ADAM33: variants seen among roughly 807,000 people sequenced by gnomAD.
ADAM33 encodes ADAM metallopeptidase domain 33.
Under a neutral mutation model 106.2 loss-of-function variants are expected in ADAM33, and 103 were observed. The ratio of observed to expected loss-of-function variants is 0.97; its 90% confidence interval spans 0.83 to 1.14. The LOEUF (loss-of-function observed/expected upper bound fraction) is 1.14, where lower values mean the gene tolerates loss of function less well. ADAM33 is among the 50% of genes most tolerant of loss of function. The pLI is 0.00. For synonymous variants in ADAM33, 483 were observed against 453.0 expected (o/e 1.07, Z -0.84); for missense variants, 1,120 against 1,096.6 (o/e 1.02, Z -0.30).
chr20:3,673,624 C>A lies in ADAM33; in HGVS notation c.940G>T (p.Ala314Ser). 1 of 1,356,936 alleles carries A rather than the reference C, an allele frequency of 7.4e-7. No individual in the cohort carries two copies. The highest frequency in any genetic ancestry group is 9.4e-7 in the Non-Finnish European group (1 of 1,062,124). The allele number at this position is 1,356,936 out of a possible 1,614,324, so 84.1% of individuals were successfully genotyped here. A position where few individuals can be genotyped will look rare whatever the true frequency, so the allele number is the denominator to read the frequency against. ...GCGCGGCACATGCCCTCGACGGGCG[C>A]CAGGCCCACTGTGGCGCCCTGGAAG... Reference protein sequence around the residue: ...RAFQGATVGLAPVEGMCRAES... With the variant: ...RAFQGATVGLSPVEGMCRAES... The change falls in exon 10 of 22, where the codon GCG becomes TCG. Residue 314 changes from alanine (A) to serine (S), a missense_variant. Coordinates refer to ENST00000356518, the MANE Select transcript of ADAM33 (RefSeq NM_025220.5).
chr20:3,671,918 G>T lies in ADAM33; in HGVS notation c.1665C>A (p.Cys555Ter). ...VNSAGDAHGN[C>*]GQDSEGHFLP... Reference sequence around the variant, plus strand: ...GGAAGTGGCCCTCGCTGTCCTGGCCGCAGTTTCCATGAGCATCTCCCGCAG... The same window carrying T: ...GGAAGTGGCCCTCGCTGTCCTGGCCTCAGTTTCCATGAGCATCTCCCGCAG... Residue 555 changes from cysteine (C) to a stop codon, truncating the protein, a stop_gained, in exon 15 of 22, where the codon TGC becomes TGA. Transcript: ENST00000356518. LOFTEE classifies it high-confidence loss of function. The T allele has an allele frequency of 6.4e-7, 1 of 1,555,212 alleles. No homozygotes were observed. Among genetic ancestry groups the T allele is most frequent in the East Asian group, 2.4e-5 (1 of 41,426 alleles).
At position 3,674,492 on chromosome 20, in the gene ADAM33, G is replaced by A. The variant is rs755539016; in HGVS notation, c.600+12C>T. The A allele has an allele frequency of 3.7e-6, 6 of 1,611,354 alleles. No homozygotes were observed. The African/African-American group carries it at 4.0e-5, about 11-fold the overall frequency. ...ACAGCATTCCCACTCCCATCCGATC[G>A]ATGCCCCTGACCCTGCTCTGGGGAC... On this transcript the variant is annotated intron_variant, in intron 6 of 21. Transcript: ENST00000356518.
chr20:3,670,147 G>A (rs554896909), intron 19 of ADAM33: 13 of 203,564 alleles, frequency 6.4e-5, no homozygotes, highest in African/African-American at 2.6e-4. Context: ...CCTCTGCAGC[G>A]CCCCCTCCGT....
chr20:3,673,070 A>AT, intron 11 of ADAM33, 172 bp from the exon 12 acceptor site: 1 of 1,444,986 alleles, frequency 6.9e-7, no homozygotes, highest in Non-Finnish European at 9.1e-7. Context: ...TGCGGCCCCA[A>AT]TAGTGAGCAG....
rs752396357 is a variant in ADAM33, at chr20:3,671,042, C to T, written c.2204G>A (p.Cys735Tyr). 2 of 1,559,430 alleles carry T rather than the reference C, an allele frequency of 1.3e-6. No individual in the cohort carries two copies. Among genetic ancestry groups the T allele is most frequent in the Non-Finnish European group, 8.7e-7 (1 of 1,152,332 alleles). ...AGGGTCCCTTCTGCAGCCCCAGCTG[C>T]ATCGCTGCAGATGGGCTCCTGGGAG... ...YRLPGAHLQR[C>Y]SWGCRRDPAC... The change falls in exon 19 of 22, where the codon TGC (cysteine) becomes TAC (tyrosine). Residue 735 changes from cysteine (C) to tyrosine (Y), a missense_variant. Transcript: ENST00000356518.
rs2146346552 is a variant in ADAM33 at position 3,668,108 on chromosome 20, CT to C, written c.*854del. The C allele has an allele frequency of 6.6e-6, 1 of 152,652 alleles. No homozygotes were observed. Among genetic ancestry groups the C allele is most frequent in the Admixed American group, 6.5e-5 (1 of 15,314 alleles). 9.5% of individuals were successfully genotyped at this position (152,652 alleles called of 1,614,324 possible). A position where few individuals can be genotyped will look rare whatever the true frequency, so the allele number is the denominator to read the frequency against. On this transcript the variant is annotated 3_prime_UTR_variant, in exon 22 of 22. Coordinates refer to ENST00000356518, the MANE Select transcript of ADAM33 (RefSeq NM_025220.5). ...CCTCCTGCTTCAGCCTCCTGAGCAG[CT>C]AGGCCTACAGGTACACACCACCACG...
At chr20:3,669,268 G>A (rs2087373008) in intron 21 of ADAM33, 31 bp downstream of exon 21, 1 of 1,555,306 alleles carries the variant, frequency 6.4e-7, no homozygotes. Flanking sequence ...GCGATGAGAG[G>A]GGGAGGCTTT....
intron 19 of ADAM33, 128 bp from the exon 20 acceptor site, chr20:3,669,765 C>A: frequency 2.4e-6 from 2 of 843,978 alleles, no homozygotes; most frequent in South Asian, 2.9e-5. Context: ...CCCATCTGCT[C>A]CAAGTCACCC....
chr20:3,674,818 C>T lies in ADAM33; in HGVS notation c.365G>A (p.Gly122Asp), dbSNP rs769968522. The change falls in exon 5 of 22, where the codon GGC becomes GAC. Residue 122 changes from glycine (G) to aspartate (D), a missense_variant. Physicochemically the swap from Gly to Asp is moderately conservative, Grantham distance 94. Transcript: ENST00000356518. ...GAGGACTACCCAGGAGTCGGGGAAG[C>T]CCCTTACTCGCCCTTGGTAGTGGCA... is the stretch of plus-strand genomic sequence containing the variant. ...DHCHYQGRVR[G>D]FPDSWVVLCT... The T allele has an allele frequency of 1.2e-6, 2 of 1,611,224 alleles. No homozygotes were observed. The highest frequency in any genetic ancestry group is 4.5e-5 in the East Asian group (2 of 44,864).
chr20:3,679,458 GC>G (rs2088277338), intron 2 of ADAM33, 33 bp downstream of exon 2: 1 of 1,577,376 alleles, frequency 6.3e-7, no homozygotes, highest in East Asian at 2.3e-5. Flanking sequence ...GAGGTTCAGG[GC>G]CCCTGTGGAG....
intron 11 of ADAM33, 74 bp downstream of exon 11, chr20:3,673,280 G>T: frequency 6.5e-7 from 1 of 1,534,356 alleles, no homozygotes. Flanking sequence ...ACTGAGGGAC[G>T]ACCAAAGAAA....
chr20:3,670,770 G>T, intron 19 of ADAM33: 1 of 562,704 alleles, frequency 1.8e-6, no homozygotes, highest in Non-Finnish European at 3.1e-6. Flanking sequence ...GAGCTGTACT[G>T]GGAGGTAGAG....
At position 3,675,015 on chromosome 20, in the gene ADAM33, G is replaced by C. The variant is rs764895153; in HGVS notation, c.333+12C>G. ...CTGGCGGTGCATCCCAGAGCCCATG[G>C]AAGCATCTCACCGTGTGGTTGGGGG... On this transcript the variant is annotated intron_variant, in intron 4 of 21. Transcript: ENST00000356518. The surrounding 1 kb of genome is among the most constrained non-coding windows in gnomAD (Gnocchi z 4.1). 1.9e-6 allele frequency: 3 copies of C among 1,613,402 alleles called. No homozygotes were observed. Among genetic ancestry groups the C allele is most frequent in the Non-Finnish European group, 8.5e-7 (1 of 1,179,892 alleles).
chr20:3,672,811 A>G lies in ADAM33; in HGVS notation c.1221T>C (p.Asn407=), dbSNP rs781515942. ...FRKGGGACLS[N]APDPGLPVPP... ...GCACCGGGAGTCCGGGGTCCGGGGC[A>G]TTGGAGAGGCAAGCGCCGCCCCCCT... Residue 407 remains asparagine, a synonymous_variant, in exon 12 of 22, where the codon AAT becomes AAC. Coordinates refer to ENST00000356518, the MANE Select transcript of ADAM33 (RefSeq NM_025220.5). 1.3e-6 allele frequency: 2 copies of G among 1,578,198 alleles called. No individual in the cohort carries two copies. The highest frequency in any genetic ancestry group is 1.7e-6 in the Non-Finnish European group (2 of 1,165,828).
At position 3,675,154 on chromosome 20, in the gene ADAM33, C is replaced by T; in HGVS notation, c.255-49G>A. The T allele has an allele frequency of 1.4e-6, 2 of 1,429,988 alleles. No homozygotes were observed. Among genetic ancestry groups the T allele is most frequent in the Non-Finnish European group, 9.8e-7 (1 of 1,024,164 alleles). The allele number at this position is 1,429,988 out of a possible 1,614,324, so 88.6% of individuals were successfully genotyped here. A position where few individuals can be genotyped will look rare whatever the true frequency, so the allele number is the denominator to read the frequency against. On this transcript the variant is annotated intron_variant, in intron 3 of 21. Transcript: ENST00000356518. The surrounding 1 kb of genome is among the most constrained non-coding windows in gnomAD (Gnocchi z 4.1). ...CACTGAATTCAGCTTCCTCCTGCCT[C>T]CTCCAGGATGTCTCCCAGCCTTCCT...
intron 3 of ADAM33, among the ~76,000 whole-genome samples, chr20:3,676,162 G>A (rs368866665): frequency 2.6e-5 from 4 of 152,128 alleles, no homozygotes; most frequent in African/African-American, 7.2e-5. Context: ...GCTCCAGCCC[G>A]GACACCCACC....
intron 11 of ADAM33, 147 bp from the exon 12 acceptor site, chr20:3,673,045 C>T (rs2280093): frequency 0.037 from 53,616 of 1,434,896 alleles, 1,224 homozygotes; most frequent in East Asian, 0.11. Context: ...ACACAACAAG[C>T]GGGACAGGGG....
In ADAM33 at chr20:3,671,091, C is replaced by T. The variant is rs1465838742; in HGVS notation, c.2155G>A (p.Gly719Ser). Residue 719 changes from glycine (G) to serine (S), a missense_variant, in exon 19 of 22, where the codon GGC (glycine) becomes AGC (serine). By Grantham distance (56) the Gly-to-Ser change is moderately conservative (BLOSUM62 0). Coordinates refer to ENST00000356518, the MANE Select transcript of ADAM33 (RefSeq NM_025220.5). ...SVLLPLLPGA[G>S]LAWCCYRLPG... ...AGTCGGTAGCAACACCAGGCCAGGC[C>T]GGCCCCTGGGAGCAGAGGCAGCAGG... 4.4e-6 allele frequency: 7 copies of T among 1,590,560 alleles called. No homozygotes were observed. The highest frequency in any genetic ancestry group is 2.3e-5 in the East Asian group (1 of 43,838).
intron 2 of ADAM33, among the ~76,000 whole-genome samples, chr20:3,677,741 C>T (rs2088101047): frequency 2.0e-5 from 3 of 152,224 alleles, no homozygotes; most frequent in South Asian, 4.1e-4. Flanking sequence ...TAAACATGGA[C>T]GCCATTCCAG....
Sources: gnomAD v4.1 joint callset for allele counts (sites outside exome capture counted in the v4.1 genomes callset) on GRCh38, gnomAD v4.1.1 for gene constraint, Gnocchi (gnomAD v3.1) non-coding constraint, MANE v1.5 for transcripts, NCBI Gene and HGNC (gene_info 2026-07-23, HGNC 2026-07-21) for gene names.